The following LGALS9C variants were observed in gnomAD, a reference collection of about 807,000 sequenced individuals.
LGALS9C encodes the protein galectin 9C, also known as galectin-9C.
A neutral mutation model predicts 41.3 loss-of-function variants in LGALS9C; 7 were observed. The ratio of observed to expected loss-of-function variants is 0.17; its 90% confidence interval spans 0.10 to 0.32. LGALS9C has a LOEUF of 0.32. LGALS9C is among the 10% of genes least tolerant of loss of function. The pLI is 1.00. For synonymous variants in LGALS9C, 44 were observed against 171.0 expected, an observed-to-expected ratio of 0.26 and a Z score of 5.80; for missense variants, 102 against 455.2, an observed-to-expected ratio of 0.22 and a Z score of 7.06.
At chr17:18,490,868 TG>T in intron 6 of LGALS9C, 100 bp downstream of exon 6, 1 of 465,664 alleles carries the variant, frequency 2.1e-6, no homozygotes. Flanking sequence ...CCATCGGGAG[TG>T]GGGAGGGCAG....
rs764569191 is a variant in LGALS9C at position 18,491,320 on chromosome 17, C to G, written c.624C>G (p.Phe208Leu). Residue 208 changes from phenylalanine to leucine, a missense_variant, in exon 7 of 11, where the codon TTC becomes TTG. Phe to Leu is a conservative substitution (Grantham distance 22). Coordinates refer to ENST00000328114, the MANE Select transcript of LGALS9C (RefSeq NM_001040078.3). The stretch of plus-strand genomic sequence containing the variant: ...TGCAGAGTGCCTCTGGACAGATGTT[C>G]TCTGTAAGTCTTCAAGTTCTGATCA... ...HTVQSASGQM[F>L]SQTPAIPPMM... The G allele has an allele frequency of 2.7e-6, 4 of 1,487,256 alleles. No homozygotes were observed. The South Asian group carries it at 4.8e-5, about 18-fold the overall frequency. 92.1% of individuals were successfully genotyped at this position (1,487,256 alleles called of 1,614,324 possible). A position where few individuals can be genotyped will look rare whatever the true frequency, so the allele number is the denominator to read the frequency against.
intron 1 of LGALS9C, among the ~76,000 whole-genome samples, chr17:18,480,642 TTTTTC>T: frequency 1.2e-5 from 1 of 82,938 alleles, no homozygotes; most frequent in South Asian, 4.1e-4. Context: ...TTCCGTCTTC[TTTTTC>T]TTTTCTTTTG....
chr17:18,494,497 T>C lies in LGALS9C; in HGVS notation c.*130T>C, dbSNP rs1297530496. The C allele has an allele frequency of 4.7e-5, 47 of 994,300 alleles. 1 individual carries two copies. Among genetic ancestry groups the C allele is most frequent in the Non-Finnish European group, 6.2e-5 (42 of 679,372 alleles). The allele number at this position is 994,300 out of a possible 1,614,324, so 61.6% of individuals were successfully genotyped here. The stretch of plus-strand genomic sequence containing the variant: ...GGGCTTTAATGCAGAGGCCATGTCC[T>C]TATCTGGTCCTGCTTCTGGCTACAG... On this transcript the variant is annotated 3_prime_UTR_variant, in exon 11 of 11. Transcript: ENST00000328114.
rs1182425343 is a variant in LGALS9C at position 18,493,194 on chromosome 17, C to T, written c.924+335C>T. On this transcript the variant is annotated intron_variant, in intron 10 of 10. Transcript: ENST00000328114. ...CTCATTCAACGATTTCACTGTCGCC[C>T]GCTTTGTGCAGGAAGCACTCCACAT... Among the ~76,000 whole-genome samples, 2 of 121,430 alleles carry T rather than the reference C, an allele frequency of 1.6e-5. 1 individual carries two copies. Among genetic ancestry groups the T allele is most frequent in the Non-Finnish European group, 3.9e-5 (2 of 51,126 alleles). The allele number at this position is 121,430 out of a possible 152,430, so 79.7% of individuals were successfully genotyped here.
intron 1 of LGALS9C, among the ~76,000 whole-genome samples, chr17:18,483,209 G>A (rs1260443531): frequency 1.7e-4 from 22 of 132,618 alleles, no homozygotes; most frequent in African/African-American, 5.1e-4. Flanking sequence ...GCTTGCCCAC[G>A]GGGCCTGGGA....
intron 1 of LGALS9C, 86 bp downstream of exon 1, chr17:18,476,979 G>A: frequency 1.5e-6 from 2 of 1,295,006 alleles, no homozygotes; most frequent in Non-Finnish European, 1.1e-6. Flanking sequence ...CTGGGTGGCA[G>A]GAGATAGGGG....
chr17:18,487,763 A>G lies in LGALS9C; in HGVS notation c.444+6A>G, dbSNP rs1448309877. On this transcript the variant is annotated splice_donor_region_variant and intron_variant, in intron 4 of 10. Transcript: ENST00000328114. ...TGTCCTACATCAGCTTCCAGGTCAG[A>G]CTGTCCACCTGGCACCGGTCCCAGG... 2 of 1,574,048 alleles carry G rather than the reference A, an allele frequency of 1.3e-6. No individual in the cohort carries two copies. The highest frequency in any genetic ancestry group is 1.3e-5 in the African/African-American group (1 of 74,580).
rs1205896904 is a variant in LGALS9C, at chr17:18,492,342, C to T, written c.673-115C>T. 36 of 1,321,346 alleles carry T rather than the reference C, an allele frequency of 2.7e-5. 1 individual carries two copies. Among genetic ancestry groups the T allele is most frequent in the South Asian group, 3.8e-5 (3 of 79,046 alleles). 81.9% of individuals were successfully genotyped at this position (1,321,346 alleles called of 1,614,324 possible). A position where few individuals can be genotyped will look rare whatever the true frequency, so the allele number is the denominator to read the frequency against. ...CTTTTATGGAACCAAGGAAAGATAT[C>T]GTGGGCTTCTTCTCAGCTGACAGCC... On this transcript the variant is annotated intron_variant, in intron 8 of 10. Transcript: ENST00000328114.
chr17:18,482,599 T>C (rs1012286801), intron 1 of LGALS9C, among the ~76,000 whole-genome samples: 2 of 146,622 alleles, frequency 1.4e-5, no homozygotes, highest in Non-Finnish European at 3.1e-5. Flanking sequence ...CATTGGTTAG[T>C]GCTGAGAAGA....
chr17:18,492,831 T>G lies in LGALS9C; in HGVS notation c.896T>G (p.Met299Arg). The stretch of plus-strand genomic sequence containing the variant: ...GAGGAGCGAAGTCTGCCCCGAAAAA[T>G]GCCCTTCGTCCGAGGCCAGAGCTTC... ...GSEERSLPRKMPFVRGQSFSV... is the reference protein window; with the variant it reads ...GSEERSLPRKRPFVRGQSFSV... The change falls in exon 10 of 11, where the codon ATG (methionine) becomes AGG (arginine). Residue 299 changes from methionine (M) to arginine (R), a missense_variant. By Grantham distance (91) the Met-to-Arg change is moderately conservative. Transcript: ENST00000328114. The G allele has an allele frequency of 6.6e-7, 1 of 1,505,784 alleles. No individual in the cohort carries two copies. Among genetic ancestry groups the G allele is most frequent in the Non-Finnish European group, 9.1e-7 (1 of 1,095,522 alleles). 93.3% of individuals were successfully genotyped at this position (1,505,784 alleles called of 1,614,324 possible).
intron 5 of LGALS9C, chr17:18,490,159 TTGGCCCTGGCCCTGGCGCTGGCCC>T (rs1010859038): frequency 2.9e-5 from 5 of 173,342 alleles, no homozygotes; most frequent in Non-Finnish European, 6.2e-5. Context: ...CAGCCAAACT[TTGGCCCTGGCCCTGGCGCTGGCCC>T]TGGCCCTAGG....
At chr17:18,481,912 T>C (rs1309609317) in intron 1 of LGALS9C, among the ~76,000 whole-genome samples, 1 of 139,774 alleles carries the variant, frequency 7.2e-6, no homozygotes, top group African/African-American at 2.5e-5. Context: ...CTGTTTGGCC[T>C]GCACAGTGTT....
In LGALS9C at chr17:18,494,607, C is replaced by A. The variant is rs113628571; in HGVS notation, c.*240C>A. The A allele has an allele frequency of 0.12, 71,338 of 612,534 alleles. 3,902 individuals are homozygous for A. Among genetic ancestry groups the A allele is most frequent in the Non-Finnish European group, 0.13 (46,922 of 354,924 alleles). 37.9% of individuals were successfully genotyped at this position (612,534 alleles called of 1,614,324 possible). A position where few individuals can be genotyped will look rare whatever the true frequency, so the allele number is the denominator to read the frequency against. ...TGGGGCGCCAGCTGCTGGAATCCTA[C>A]AATCCCAGAAGGCGGGCACAGCCAG... On this transcript the variant is annotated 3_prime_UTR_variant, in exon 11 of 11. Transcript: ENST00000328114.
rs747864290 is a variant in LGALS9C, at chr17:18,483,986, A to C, written c.131+20A>C. ...AACCAGGTGTGTGTATATGGATGGAAACGTTTCACTCCAGCCTCGTCCCTT... is the reference window on the plus strand; with the variant it reads ...AACCAGGTGTGTGTATATGGATGGACACGTTTCACTCCAGCCTCGTCCCTT... On this transcript the variant is annotated intron_variant, in intron 2 of 10. Transcript: ENST00000328114. 5 of 1,363,606 alleles carry C rather than the reference A, an allele frequency of 3.7e-6. 1 individual carries two copies. The African/African-American group carries it at 7.1e-5, about 19-fold the overall frequency. The allele number at this position is 1,363,606 out of a possible 1,614,324, so 84.5% of individuals were successfully genotyped here.
At chr17:18,492,968 G>A (rs1263595280) in intron 10 of LGALS9C, 109 bp downstream of exon 10, 14 of 1,326,490 alleles carry the variant, frequency 1.1e-5, no homozygotes, top group Non-Finnish European at 1.3e-5. Context: ...CCTCTGGGAT[G>A]AGGGCCCAGA....
chr17:18,477,614 C>T (rs1486399976), intron 1 of LGALS9C, among the ~76,000 whole-genome samples: 9 of 108,778 alleles, frequency 8.3e-5, no homozygotes, highest in African/African-American at 2.5e-4. Flanking sequence ...CAGAGGGCTG[C>T]AGGTGCCTTG....
At position 18,477,150 on chromosome 17, in the gene LGALS9C, G is replaced by A. The variant is rs564711528; in HGVS notation, c.39+257G>A. Among the ~76,000 whole-genome samples, 12 of 134,754 alleles carry A rather than the reference G, an allele frequency of 8.9e-5. 2 individuals are homozygous for A. Among genetic ancestry groups the A allele is most frequent in the African/African-American group, 1.2e-4 (5 of 40,364 alleles). The allele number at this position is 134,754 out of a possible 152,430, so 88.4% of individuals were successfully genotyped here. On this transcript the variant is annotated intron_variant, in intron 1 of 10. Coordinates refer to ENST00000328114, the MANE Select transcript of LGALS9C (RefSeq NM_001040078.3). ...TGAGCTGTCCTGTCCTGTCCTGTGCGCTCAGGGGAAGAGGTGTAGAGTGGG... is the reference window on the plus strand; with the variant it reads ...TGAGCTGTCCTGTCCTGTCCTGTGCACTCAGGGGAAGAGGTGTAGAGTGGG...
chr17:18,479,432 C>G (rs2151661160), intron 1 of LGALS9C, among the ~76,000 whole-genome samples: 1 of 129,712 alleles, frequency 7.7e-6, no homozygotes, highest in South Asian at 2.4e-4. Flanking sequence ...CAGTCCTCTC[C>G]AGAATGCTGC....
chr17:18,492,366 C>G, intron 8 of LGALS9C, 91 bp from the exon 9 acceptor site: 1 of 1,474,874 alleles, frequency 6.8e-7, no homozygotes, highest in Non-Finnish European at 9.4e-7. Context: ...CAGCTGACAG[C>G]CTAAATTCAT....
Sources: allele counts gnomAD v4.1 joint callset (sites outside exome capture counted in the v4.1 genomes callset), GRCh38; gene constraint gnomAD v4.1.1; transcripts MANE v1.5; gene names NCBI Gene and HGNC (gene_info 2026-07-23, HGNC 2026-07-21).